DNM3: variants seen among roughly 807,000 people sequenced by gnomAD.
The protein encoded by DNM3 is dynamin-3.
A neutral mutation model predicts 101.6 loss-of-function variants in DNM3; 47 were observed. The ratio of observed to expected loss-of-function variants is 0.46; its 90% CI spans 0.37 to 0.59. DNM3 has a LOEUF of 0.59. Ranked by LOEUF, DNM3 falls within the 20% of genes least tolerant of loss-of-function variation. The pLI is 0.00. For missense variants in DNM3, 849 were observed against 1,085.7 expected (o/e 0.78, Z 3.06); for synonymous variants, 385 against 387.9 (o/e 0.99, Z 0.09).
downstream of DNM3, among the ~76,000 whole-genome samples, chr1:172,417,643 C>T (rs565898814): frequency 1.4e-4 from 21 of 152,284 alleles, no homozygotes; most frequent in African/African-American, 5.1e-4. Context: ...CTCCTAGTTT[C>T]CCTAGGCCTG....
chr1:172,315,137 G>A (rs931698443), intron 16 of DNM3, among the ~76,000 whole-genome samples: 1 of 152,192 alleles, frequency 6.6e-6, no homozygotes, highest in Non-Finnish European at 1.5e-5. Flanking sequence ...ACAGGGTCTG[G>A]AGTGGACCTC....
intron 14 of DNM3, among the ~76,000 whole-genome samples, chr1:172,194,533 T>A (rs12074285): frequency 0.01 from 1,541 of 152,262 alleles, 32 homozygotes; most frequent in African/African-American, 0.035. Flanking sequence ...GCTTTATGAA[T>A]CTGGGTGCTC....
intron 15 of DNM3, among the ~76,000 whole-genome samples, chr1:172,268,485 G>A (rs2062958969): frequency 6.6e-6 from 1 of 152,010 alleles, no homozygotes; most frequent in African/African-American, 2.4e-5. Flanking sequence ...CCCTCTAGTT[G>A]TGAAATAGCA....
chr1:171,904,548 C>T lies in DNM3; in HGVS notation c.162-17200C>T, dbSNP rs537740973. 7.2e-5 allele frequency among the ~76,000 whole-genome samples: 11 copies of T among 152,258 alleles called. No individual in the cohort carries two copies. In the South Asian group the frequency reaches 2.3e-3, roughly 32 times the overall value. Reference sequence around the variant, plus strand: ...AAAGCCCTTGGGAGAACAACCAAACCCTAATGCTGTTGAAAGATATTAGGA... The same window carrying T: ...AAAGCCCTTGGGAGAACAACCAAACTCTAATGCTGTTGAAAGATATTAGGA... On this transcript the variant is annotated intron_variant, in intron 1 of 20. Transcript: ENST00000627582.
At chr1:172,229,663 A>G (rs993367792) in intron 14 of DNM3, among the ~76,000 whole-genome samples, 5 of 152,184 alleles carry the variant, frequency 3.3e-5, no homozygotes, top group East Asian at 1.9e-4. Flanking sequence ...AGTCCGTGGC[A>G]TGGAATAATA....
intron 1 of DNM3, among the ~76,000 whole-genome samples, chr1:171,896,380 T>C (rs974063750): frequency 6.6e-5 from 10 of 152,242 alleles, no homozygotes; most frequent in African/African-American, 2.4e-4. Flanking sequence ...GATTCCTGGG[T>C]ATTTTATTCT....
In DNM3 at chr1:171,841,582, G is replaced by C; in HGVS notation, c.-75G>C. The C allele has an allele frequency of 6.5e-7, 1 of 1,536,778 alleles. No individual in the cohort carries two copies. The highest frequency in any genetic ancestry group is 8.7e-7 in the Non-Finnish European group (1 of 1,145,312). On this transcript the variant is annotated 5_prime_UTR_variant, in exon 1 of 21. Coordinates refer to ENST00000627582, the MANE Select transcript of DNM3 (RefSeq NM_015569.5). ...AGCCCGGCGCAGCAGCAGCAGCCAG[G>C]GCAGCGCGGCCCCTACTCCCTGTCA...
At chr1:172,068,326 C>T (rs889330601) in intron 10 of DNM3, among the ~76,000 whole-genome samples, 5 of 151,862 alleles carry the variant, frequency 3.3e-5, no homozygotes, top group Non-Finnish European at 7.4e-5. Flanking sequence ...AAAACTCTGT[C>T]TCAAAATAAA....
rs145319018 is a variant in DNM3, at chr1:172,276,477, T to C, written c.1769+22795T>C. ...AGATTTTAAATTATGTTTAGGAAGA[T>C]TTATGTGTAAATTGTGTTATAATTC... On this transcript the variant is annotated intron_variant, in intron 15 of 20. Coordinates refer to ENST00000627582, the MANE Select transcript of DNM3 (RefSeq NM_015569.5). Among the ~76,000 whole-genome samples the C allele has an allele frequency of 1.9e-3, 292 of 152,146 alleles. 3 individuals are homozygous for C. The highest frequency in any genetic ancestry group is 6.3e-3 in the African/African-American group (260 of 41,532).
chr1:172,201,203 G>T (rs2060140622), intron 14 of DNM3, among the ~76,000 whole-genome samples: 1 of 152,130 alleles, frequency 6.6e-6, no homozygotes, highest in African/African-American at 2.4e-5. Context: ...TTATTGGTCA[G>T]TTGGTAGACT....
intron 13 of DNM3, among the ~76,000 whole-genome samples, chr1:172,108,369 G>C (rs77351355): frequency 0.021 from 3,203 of 151,860 alleles, 103 homozygotes; most frequent in African/African-American, 0.071. Context: ...ACTTTCCCTT[G>C]GGAGTAATTT....
Position 171,889,222 on chromosome 1 carries a change from T to C in DNM3, c.162-32526T>C, listed in dbSNP as rs1413734970. Among the ~76,000 whole-genome samples the C allele has an allele frequency of 2.6e-5, 4 of 152,094 alleles. No individual in the cohort carries two copies. The East Asian group carries it at 7.7e-4, about 29-fold the overall frequency. On this transcript the variant is annotated intron_variant, in intron 1 of 20. Transcript: ENST00000627582. ...TGCAACTCCTAGGCTCAAGCAATCC[T>C]CCCACCATGGCCTCCCAAAGTTCTG...
chr1:172,167,512 T>C (rs1273515369), intron 14 of DNM3, among the ~76,000 whole-genome samples: 1 of 152,078 alleles, frequency 6.6e-6, no homozygotes, highest in East Asian at 1.9e-4. Context: ...TCCACCATGG[T>C]TGAACTAGTT....
chr1:171,948,041 G>A (rs2042274040), intron 2 of DNM3, among the ~76,000 whole-genome samples: 1 of 152,194 alleles, frequency 6.6e-6, no homozygotes, highest in Non-Finnish European at 1.5e-5. Flanking sequence ...CTACAGCTCT[G>A]CTTCTACCCA....
At chr1:172,224,127 T>C (rs1174631464) in intron 14 of DNM3, among the ~76,000 whole-genome samples, 1 of 152,168 alleles carries the variant, frequency 6.6e-6, no homozygotes, top group Non-Finnish European at 1.5e-5. Context: ...CCTGTGGCTT[T>C]TCCTGACCTC....
intron 17 of DNM3, among the ~76,000 whole-genome samples, chr1:172,332,370 T>G (rs2066226934): frequency 6.6e-6 from 1 of 152,158 alleles, no homozygotes; most frequent in East Asian, 1.9e-4. Context: ...AGTGCAGAAG[T>G]GTGATTTCAG....
chr1:172,381,823 G>T (rs937725550), intron 18 of DNM3, among the ~76,000 whole-genome samples: 2 of 152,134 alleles, frequency 1.3e-5, no homozygotes, highest in Non-Finnish European at 2.9e-5. Flanking sequence ...ATCTTTAAAT[G>T]AGTTTGGATC....
intron 1 of DNM3, among the ~76,000 whole-genome samples, chr1:171,846,308 T>C (rs1223188050): frequency 6.6e-6 from 1 of 152,190 alleles, no homozygotes; most frequent in Non-Finnish European, 1.5e-5. Flanking sequence ...CTGAGAGCAA[T>C]ATAACTAAGA....
intron 2 of DNM3, among the ~76,000 whole-genome samples, chr1:171,979,536 A>G (rs1272911828): frequency 6.6e-6 from 1 of 152,176 alleles, no homozygotes; most frequent in East Asian, 1.9e-4. Context: ...AAAATATAGA[A>G]CTAAGTTGAG....
Sources: gnomAD v4.1 joint callset for allele counts (sites outside exome capture counted in the v4.1 genomes callset) on GRCh38, gnomAD v4.1.1 for gene constraint, MANE v1.5 for transcripts, NCBI Gene and HGNC (gene_info 2026-07-23, HGNC 2026-07-21) for gene names.